Variants in MFSD11 observed in about 807,000 individuals in gnomAD.
The protein encoded by MFSD11 is UNC93-like protein MFSD11.
MFSD11 carries 36 observed loss-of-function variants against 53.5 expected under a neutral mutation model. The observed-to-expected ratio is 0.67, with a 90% CI of 0.52 to 0.89. The LOEUF (loss-of-function observed/expected upper bound fraction) is 0.89. MFSD11 is among the 40% of genes least tolerant of loss of function. The pLI, the probability that MFSD11 is intolerant of heterozygous loss-of-function variation, is 0.00. For synonymous variants in MFSD11, 186 were observed against 184.9 expected (o/e 1.01, Z -0.05); for missense variants, 530 against 543.9 (o/e 0.97, Z 0.25).
chr17:76,776,171 G>T lies in MFSD11; in HGVS notation c.1050-235G>T, dbSNP rs1387888394. 1.3e-5 allele frequency among the ~76,000 whole-genome samples: 2 copies of T among 152,070 alleles called. No homozygotes were observed. Among genetic ancestry groups the T allele is most frequent in the Non-Finnish European group, 2.9e-5 (2 of 68,020 alleles). The stretch of plus-strand genomic sequence containing the variant: ...TTTTTATATTTTTAGTAGAGATGGG[G>T]TTTTGCCATGTTGGCCAGGCTGGTC... On this transcript the variant is annotated intron_variant, in intron 11 of 12. Transcript: ENST00000685175. The surrounding 1 kb of genome is among the most constrained non-coding windows in gnomAD (Gnocchi z 4.2).
At chr17:76,775,247 C>A in intron 11 of MFSD11, 76 bp downstream of exon 11, 1 of 1,366,914 alleles carries the variant, frequency 7.3e-7, no homozygotes. Context: ...GAAAGTGGAG[C>A]AGTTAATCCT....
the MFSD11 span, among the ~76,000 whole-genome samples, chr17:76,794,697 T>G: frequency 0.13 from 529 of 4,044 alleles, 55 homozygotes; most frequent in African/African-American, 0.18. Context: ...TTTTTTTTTT[T>G]TTTTTTTTGT....
At chr17:76,745,395 A>G (rs2078442424) in intron 7 of MFSD11, 1 of 152,258 alleles carries the variant, frequency 6.6e-6, no homozygotes, top group Non-Finnish European at 1.5e-5. Context: ...CTTCACAGAC[A>G]CTGGGTTTTT....
At chr17:76,739,029 G>T in intron 2 of MFSD11, 36 bp downstream of exon 2, 2 of 1,517,390 alleles carry the variant, frequency 1.3e-6, no homozygotes, top group South Asian at 2.3e-5. Flanking sequence ...CTTTATATTT[G>T]ACAGTAGTTG....
Position 76,744,409 on chromosome 17 carries a change from C to G in MFSD11, c.584C>G (p.Ser195Cys), listed in dbSNP as rs759982755. ...TTCTTTCTCATTCGGAAACCAGATT[C>G]TGAAAATGTCCTAGGAGAAGATGAG... ...VLFFLIRKPDSENVLGEDESS... is the reference protein window; with the variant it reads ...VLFFLIRKPDCENVLGEDESS... Residue 195 changes from serine (S) to cysteine (C), a missense_variant, in exon 7 of 13, where the codon TCT becomes TGT. Coordinates refer to ENST00000685175, the MANE Select transcript of MFSD11 (RefSeq NM_001242532.5). 1.9e-6 allele frequency: 3 copies of G among 1,614,102 alleles called. No individual in the cohort carries two copies. Among genetic ancestry groups the G allele is most frequent in the Admixed American group, 1.7e-5 (1 of 60,020 alleles).
chr17:76,758,136 C>T (rs1049766935), intron 8 of MFSD11, among the ~76,000 whole-genome samples: 5 of 152,078 alleles, frequency 3.3e-5, no homozygotes, highest in Admixed American at 2.0e-4. Context: ...TAGAATCAAG[C>T]CCATGCTCAT....
the MFSD11 span, among the ~76,000 whole-genome samples, chr17:76,795,814 C>T: frequency 2.1e-4 from 31 of 147,830 alleles, no homozygotes; most frequent in Non-Finnish European, 2.8e-4. Flanking sequence ...CCACCACGCC[C>T]GGCTAATTTT....
At position 76,776,701 on chromosome 17, in the gene MFSD11, C is replaced by T. The variant is rs947848059; in HGVS notation, c.1185+160C>T. Among the ~76,000 whole-genome samples the T allele has an allele frequency of 6.6e-6, 1 of 151,964 alleles. No individual in the cohort carries two copies. Among genetic ancestry groups the T allele is most frequent in the Non-Finnish European group, 1.5e-5 (1 of 67,996 alleles). Reference sequence around the variant, plus strand: ...TGTCACTCAGGCTGGAGTGCAGTAGCGCAATCTTGACTCGCTGCAACCTCC... The same window carrying T: ...TGTCACTCAGGCTGGAGTGCAGTAGTGCAATCTTGACTCGCTGCAACCTCC... On this transcript the variant is annotated intron_variant, in intron 12 of 12. Transcript: ENST00000685175. The surrounding 1 kb of genome is among the most constrained non-coding windows in gnomAD (Gnocchi z 4.2).
chr17:76,769,880 TAAAA>T lies in MFSD11; in HGVS notation c.874+14_874+17del, dbSNP rs774267221. On this transcript the variant is annotated intron_variant, in intron 10 of 12. Transcript: ENST00000685175. ...CATTGGAGAAATTTTAGGTTGGTTTTAAAAAAAAGCGTTTGCATTAAAAATATCA... is the reference window on the plus strand; with the variant it reads ...CATTGGAGAAATTTTAGGTTGGTTTTAAAAGCGTTTGCATTAAAAATATCA... 2 of 1,600,220 alleles carry T rather than the reference TAAAA, an allele frequency of 1.2e-6. No individual in the cohort carries two copies. Among genetic ancestry groups the T allele is most frequent in the Middle Eastern group, 1.7e-4 (1 of 6,034 alleles).
the MFSD11 span, among the ~76,000 whole-genome samples, chr17:76,802,946 A>G: frequency 2.0e-5 from 3 of 152,142 alleles, no homozygotes; most frequent in East Asian, 1.9e-4. Context: ...AAGCGAGGCC[A>G]GGAGATCGAG....
intron 11 of MFSD11, among the ~76,000 whole-genome samples, chr17:76,775,835 C>T (rs2081779843): frequency 6.6e-6 from 1 of 152,166 alleles, no homozygotes; most frequent in Non-Finnish European, 1.5e-5. Context: ...AAATTTGAAA[C>T]ACTTCTGGTC....
rs1261593032 is a variant in MFSD11 at position 76,754,874 on chromosome 17, C to T, written c.682+787C>T. ...TCTACGAGTATTATATAATACACAC[C>T]TATCATTGTCTCAGTTTAACAGAAC... On this transcript the variant is annotated intron_variant, in intron 8 of 12. Coordinates refer to ENST00000685175, the MANE Select transcript of MFSD11 (RefSeq NM_001242532.5). Among the ~76,000 whole-genome samples, 3 of 152,002 alleles carry T rather than the reference C, an allele frequency of 2.0e-5. No homozygotes were observed. In the South Asian group the frequency reaches 6.2e-4, roughly 32 times the overall value.
the MFSD11 span, among the ~76,000 whole-genome samples, chr17:76,792,424 GTTCTT>G: frequency 6.7e-6 from 1 of 149,454 alleles, no homozygotes; most frequent in Non-Finnish European, 1.5e-5. Context: ...CGGTGTAGGC[GTTCTT>G]TTATTTTTCT....
At chr17:76,762,062 A>G (rs1284186535) in intron 8 of MFSD11, among the ~76,000 whole-genome samples, 1 of 152,140 alleles carries the variant, frequency 6.6e-6, no homozygotes, top group African/African-American at 2.4e-5. Flanking sequence ...TTCCCTGTGC[A>G]CATTAGAGTC....
At chr17:76,777,139 G>C (rs1221945215) in intron 12 of MFSD11, among the ~76,000 whole-genome samples, 1 of 152,048 alleles carries the variant, frequency 6.6e-6, no homozygotes, top group African/African-American at 2.4e-5. Context: ...GTGGTGGCAC[G>C]TGCCTGTAGT....
the MFSD11 span, among the ~76,000 whole-genome samples, chr17:76,790,469 G>C: frequency 6.8e-6 from 1 of 146,990 alleles, no homozygotes; most frequent in Non-Finnish European, 1.5e-5. Context: ...AGCCTCCCGA[G>C]TAGCTGGAAT....
intron 8 of MFSD11, among the ~76,000 whole-genome samples, chr17:76,756,730 G>A (rs1271569948): frequency 6.6e-6 from 1 of 151,980 alleles, no homozygotes; most frequent in African/African-American, 2.4e-5. Flanking sequence ...CATGGTGGCG[G>A]ATGCCTGTAA....
intron 7 of MFSD11, among the ~76,000 whole-genome samples, chr17:76,751,206 C>A (rs1336844566): frequency 1.3e-5 from 2 of 151,220 alleles, no homozygotes; most frequent in South Asian, 4.2e-4. Flanking sequence ...CTGGCTAACA[C>A]GGTGAAACCC....
At chr17:76,801,326 T>A in the MFSD11 span, among the ~76,000 whole-genome samples, 2 of 118,330 alleles carry the variant, frequency 1.7e-5, no homozygotes, top group African/African-American at 6.6e-5. Context: ...GATCATGGCC[T>A]GCACTCCTAG....
Sources: allele counts gnomAD v4.1 joint callset (sites outside exome capture counted in the v4.1 genomes callset), GRCh38; gene constraint gnomAD v4.1.1; non-coding constraint Gnocchi (gnomAD v3.1); transcripts MANE v1.5; gene names NCBI Gene and HGNC (gene_info 2026-07-23, HGNC 2026-07-21).